EMSY: variants seen among roughly 807,000 people sequenced by gnomAD.
The protein encoded by EMSY is BRCA2-interacting transcriptional repressor EMSY.
In EMSY, 26 loss-of-function variants were observed where a neutral mutation model predicts 134.6. That is an observed-to-expected ratio of 0.19 (90% confidence interval 0.14 to 0.27). The LOEUF (loss-of-function observed/expected upper bound fraction) is 0.27, where lower values mean the gene tolerates loss of function less well. Ranked by LOEUF, EMSY falls within the 10% of genes least tolerant of loss-of-function variation. The probability of loss-of-function intolerance (pLI) is 1.00; values close to 1 mark genes in which losing one functional copy is unlikely to be tolerated. For synonymous variants in EMSY, 579 were observed against 577.8 expected, an observed-to-expected ratio of 1.00 and a Z score of -0.03; for missense variants, 1,305 against 1,611.4, an observed-to-expected ratio of 0.81 and a Z score of 3.26.
At chr11:76,451,095 C>T (rs1488278479) in intron 2 of EMSY, among the ~76,000 whole-genome samples, 1 of 152,102 alleles carries the variant, frequency 6.6e-6, no homozygotes, top group Non-Finnish European at 1.5e-5. Flanking sequence ...CTGCACCCGG[C>T]CTGACAGTTT....
At chr11:76,514,597 A>G (rs2136136409) in intron 10 of EMSY, among the ~76,000 whole-genome samples, 1 of 152,318 alleles carries the variant, frequency 6.6e-6, no homozygotes, top group African/African-American at 2.4e-5. Context: ...TTGCAGTAAA[A>G]TATATATAAC....
intron 6 of EMSY, among the ~76,000 whole-genome samples, chr11:76,463,053 C>T (rs577841506): frequency 3.3e-5 from 5 of 152,160 alleles, no homozygotes; most frequent in Non-Finnish European, 5.9e-5. Flanking sequence ...CGGTGGCTCA[C>T]GCCTGTAATC....
rs776654814 is a variant in EMSY, at chr11:76,450,110, A to C, written c.71-1748A>C. 7.9e-5 allele frequency among the ~76,000 whole-genome samples: 12 copies of C among 151,508 alleles called. No individual in the cohort carries two copies. In the Middle Eastern group the frequency reaches 0.02, roughly 258 times the overall value. ...TGGCACACAATTCTCTTTCTGATTAAAGCTTCTGCTTCTACGCTAGATGAT... is the reference window on the plus strand; with the variant it reads ...TGGCACACAATTCTCTTTCTGATTACAGCTTCTGCTTCTACGCTAGATGAT... On this transcript the variant is annotated intron_variant, in intron 2 of 20. Coordinates refer to ENST00000334736, the Ensembl canonical transcript of EMSY.
intron 2 of EMSY, among the ~76,000 whole-genome samples, chr11:76,447,553 A>C (rs1947469295): frequency 6.6e-6 from 1 of 152,226 alleles, no homozygotes; most frequent in Non-Finnish European, 1.5e-5. Context: ...TACTATCAAT[A>C]ATAAAACACA....
downstream of EMSY, chr11:76,552,878 T>G (rs1951869225): frequency 1.3e-5 from 2 of 152,236 alleles, no homozygotes; most frequent in Admixed American, 6.5e-5. Context: ...TGTGGACATT[T>G]CATATAAATG....
chr11:76,519,784 T>G (rs1208945977), intron 11 of EMSY, among the ~76,000 whole-genome samples: 7 of 152,188 alleles, frequency 4.6e-5, no homozygotes, highest in African/African-American at 1.7e-4. Flanking sequence ...AAAATAAGAA[T>G]GCCTGGAATG....
chr11:76,551,592 G>T (rs919504773), downstream of EMSY: 2 of 152,532 alleles, frequency 1.3e-5, no homozygotes, highest in African/African-American at 4.8e-5. Flanking sequence ...GATCTCTGGT[G>T]GTTGTCACTA....
At chr11:76,451,813 A>G (rs1947681983) in intron 2 of EMSY, 45 bp from the exon 3 acceptor site, 14 of 1,266,314 alleles carry the variant, frequency 1.1e-5, no homozygotes, top group Non-Finnish European at 1.3e-5. Flanking sequence ...CCATAGTATT[A>G]AAATATTAAA....
intron 9 of EMSY, among the ~76,000 whole-genome samples, chr11:76,502,547 C>CA (rs1275191696): frequency 1.4e-5 from 2 of 137,996 alleles, no homozygotes; most frequent in Non-Finnish European, 3.2e-5. Flanking sequence ...AAACAAAAAA[C>CA]AAAAAAAACC....
chr11:76,486,721 G>A (rs908425823), intron 8 of EMSY, among the ~76,000 whole-genome samples: 1 of 152,136 alleles, frequency 6.6e-6, no homozygotes, highest in Non-Finnish European at 1.5e-5. Context: ...GGATATTTAA[G>A]AAGTTTTTAA....
intron 20 of EMSY, 87 bp from the exon 22 acceptor site, chr11:76,549,865 C>CTT (rs113464239): frequency 4.6e-3 from 4,537 of 981,960 alleles, no homozygotes; most frequent in South Asian, 7.2e-3. Flanking sequence ...TGTCAGTTTT[C>CTT]TTTTTTTTTT....
At chr11:76,493,886 A>G (rs1030604153) in intron 8 of EMSY, among the ~76,000 whole-genome samples, 3 of 152,046 alleles carry the variant, frequency 2.0e-5, no homozygotes, top group African/African-American at 4.8e-5. Context: ...CCTGCTCCCC[A>G]TGTTACCAGT....
At chr11:76,498,424 T>C (rs2135846564) in intron 9 of EMSY, among the ~76,000 whole-genome samples, 1 of 152,302 alleles carries the variant, frequency 6.6e-6, no homozygotes, top group East Asian at 1.9e-4. Flanking sequence ...AGTGAAGTAA[T>C]AAAGTCCCCA....
At chr11:76,525,388 A>T (rs1950809453) in intron 12 of EMSY, among the ~76,000 whole-genome samples, 1 of 152,194 alleles carries the variant, frequency 6.6e-6, no homozygotes, top group African/African-American at 2.4e-5. Context: ...ATTCACAATG[A>T]TTGCTTTTTA....
At chr11:76,451,832 T>G in intron 2 of EMSY, 26 bp from the exon 3 acceptor site, 1 of 1,491,992 alleles carries the variant, frequency 6.7e-7, no homozygotes. Flanking sequence ...AAGGCCTATC[T>G]TGATAAAATA....
chr11:76,474,798 C>T (rs1283126096), intron 8 of EMSY, among the ~76,000 whole-genome samples: 1 of 152,214 alleles, frequency 6.6e-6, no homozygotes, highest in Non-Finnish European at 1.5e-5. Context: ...GAGTCTCCCT[C>T]TGTCGCCCAG....
intron 8 of EMSY, among the ~76,000 whole-genome samples, chr11:76,487,818 TGG>T (rs1949249975): frequency 6.6e-6 from 1 of 152,240 alleles, no homozygotes; most frequent in South Asian, 2.1e-4. Flanking sequence ...TTCCCAAATC[TGG>T]AAAAGATTCA....
chr11:76,497,476 G>A lies in EMSY; in HGVS notation c.1363+1007G>A, dbSNP rs1318530211. On this transcript the variant is annotated intron_variant, in intron 9 of 20. Transcript: ENST00000334736. ...AGAATTCTCCAATGAAGCCATCTGG[G>A]CCCGGAGAGTTCTGTTTTTAGAAGC... is the stretch of plus-strand genomic sequence containing the variant. Among the ~76,000 whole-genome samples the A allele has an allele frequency of 5.9e-5, 9 of 152,186 alleles. No homozygotes were observed. The East Asian group carries it at 1.7e-3, about 29-fold the overall frequency.
chr11:76,552,211 G>T (rs186053674), downstream of EMSY: 2 of 152,098 alleles, frequency 1.3e-5, no homozygotes, highest in Admixed American at 1.3e-4. Context: ...ATGACAAGTA[G>T]TATTCTGTGC....
Sources: gnomAD v4.1 joint callset for allele counts (sites outside exome capture counted in the v4.1 genomes callset) on GRCh38, gnomAD v4.1.1 for gene constraint, MANE v1.5 for transcripts, NCBI Gene and HGNC (gene_info 2026-07-23, HGNC 2026-07-21) for gene names.